Variants in ARID2 observed in about 807,000 individuals in gnomAD.
ARID2 encodes the protein AT-rich interaction domain 2, also known as AT-rich interactive domain-containing protein 2.
A neutral mutation model predicts 184.6 loss-of-function variants in ARID2; 32 were observed. That is an observed-to-expected ratio of 0.17 (90% confidence interval 0.13 to 0.23). The LOEUF (loss-of-function observed/expected upper bound fraction) is 0.23. ARID2 is among the 10% of genes least tolerant of loss of function. The probability of loss-of-function intolerance (pLI) is 1.00; values close to 1 mark genes in which losing one functional copy is unlikely to be tolerated. For missense variants in ARID2, 1,696 were observed against 2,197.6 expected (o/e 0.77, Z 4.56); for synonymous variants, 836 against 772.6 (o/e 1.08, Z -1.36).
chr12:45,764,433 A>C (rs1941734725), intron 3 of ARID2, among the ~76,000 whole-genome samples: 1 of 152,202 alleles, frequency 6.6e-6, no homozygotes, highest in South Asian at 2.1e-4. Flanking sequence ...GTTTTGACAC[A>C]TGCAAACAGT....
At chr12:45,771,842 A>G (rs1361416856) in intron 3 of ARID2, among the ~76,000 whole-genome samples, 1 of 152,098 alleles carries the variant, frequency 6.6e-6, no homozygotes, top group African/African-American at 2.4e-5. Context: ...AACAAGGAGA[A>G]CCAGAAACAG....
chr12:45,825,032 G>A (rs1942968457), intron 6 of ARID2, among the ~76,000 whole-genome samples: 1 of 151,928 alleles, frequency 6.6e-6, no homozygotes, highest in South Asian at 2.1e-4. Context: ...GTATGTGGGA[G>A]CCAAACTTGT....
At chr12:45,767,897 A>G (rs1179455909) in intron 3 of ARID2, among the ~76,000 whole-genome samples, 1 of 152,204 alleles carries the variant, frequency 6.6e-6, no homozygotes, top group Non-Finnish European at 1.5e-5. Flanking sequence ...GGGACAGTGC[A>G]CTTTCAACAG....
rs2138176882 is a variant in ARID2, at chr12:45,852,207, T to C, written c.4084T>C (p.Cys1362Arg). Reference protein sequence around the residue: ...DLRKPLVNGICDFDKGDGSHL... With the variant: ...DLRKPLVNGIRDFDKGDGSHL... ...GAGAAAACCGCTAGTTAATGGAATC[T>C]GTGATTTTGATAAAGGAGATGGTTC... The change falls in exon 15 of 21, where the codon TGT becomes CGT. Residue 1362 changes from cysteine (C) to arginine (R), a missense_variant. By Grantham distance (180) the Cys-to-Arg change is radical. Around this residue, in one of 11 missense-constraint regions of ARID2, gnomAD observed 428 missense variants for 409.1 expected, o/e 1.05. Coordinates refer to ENST00000334344, the MANE Select transcript of ARID2 (RefSeq NM_152641.4). The C allele has an allele frequency of 6.2e-7, 1 of 1,614,130 alleles. No individual in the cohort carries two copies. The highest frequency in any genetic ancestry group is 1.1e-5 in the South Asian group (1 of 91,088).
chr12:45,774,933 G>A lies in ARID2; in HGVS notation c.285-36485G>A, dbSNP rs1373119417. On this transcript the variant is annotated intron_variant, in intron 3 of 20. Coordinates refer to ENST00000334344, the MANE Select transcript of ARID2 (RefSeq NM_152641.4). ...GTAGTTTTGCTTCACAGAGAACATT[G>A]GGCAATGTCTGGAGATATTTTTGAT... 2.0e-5 allele frequency among the ~76,000 whole-genome samples: 3 copies of A among 152,224 alleles called. No homozygotes were observed. The East Asian group carries it at 5.8e-4, about 29-fold the overall frequency.
intron 16 of ARID2, chr12:45,880,986 G>C (rs1257119409): frequency 1.5e-5 from 3 of 197,962 alleles, no homozygotes; most frequent in Non-Finnish European, 3.2e-5. Context: ...AAAAGATTTT[G>C]TTTGAGGCAT....
intron 16 of ARID2, among the ~76,000 whole-genome samples, chr12:45,879,472 C>T (rs568129280): frequency 1.2e-3 from 182 of 152,292 alleles, no homozygotes; most frequent in African/African-American, 4.2e-3. Flanking sequence ...ACTGACCTCC[C>T]GCCCCAAGGG....
intron 16 of ARID2, among the ~76,000 whole-genome samples, chr12:45,869,711 C>T (rs571801392): frequency 2.0e-5 from 3 of 151,802 alleles, no homozygotes; most frequent in Admixed American, 2.0e-4. Flanking sequence ...GGTGAAACCC[C>T]GTCTCTACTA....
chr12:45,890,946 C>T (rs1160187985), intron 16 of ARID2, among the ~76,000 whole-genome samples: 3 of 152,054 alleles, frequency 2.0e-5, no homozygotes, highest in East Asian at 1.9e-4. Context: ...GCGGGCAGAT[C>T]ATGAGGTCAG....
chr12:45,904,316 C>G (rs1944493777), intron 20 of ARID2: 1 of 715,656 alleles, frequency 1.4e-6, no homozygotes, highest in Non-Finnish European at 2.6e-6. Context: ...CAGCTGTTTT[C>G]TGACACCATT....
At position 45,837,333 on chromosome 12, in the gene ARID2, C is replaced by A. The variant is rs1265430693; in HGVS notation, c.1036C>A (p.Pro346Thr). The A allele has an allele frequency of 6.2e-7, 1 of 1,608,260 alleles. No individual in the cohort carries two copies. Among genetic ancestry groups the A allele is most frequent in the South Asian group, 1.1e-5 (1 of 89,472 alleles). ...TTTCTTTTTCCAGCTTTTACTGGAC[C>A]CTGTTGATTTCAAAACTACTCATCT... The part of the protein sequence containing the change: ...GNIAAELLLD[P>T]VDFKTTHLMF... The change falls in exon 9 of 21, where the codon CCT (proline) becomes ACT (threonine). Residue 346 changes from proline to threonine, a missense_variant. Transcript: ENST00000334344.
chr12:45,863,659 C>T (rs1592129032), intron 16 of ARID2, among the ~76,000 whole-genome samples: 1 of 151,536 alleles, frequency 6.6e-6, no homozygotes, highest in Admixed American at 6.6e-5. Flanking sequence ...ATTTTCTTTA[C>T]CTATATATTA....
At position 45,852,573 on chromosome 12, in the gene ARID2, A is replaced by T. The variant is rs768616829; in HGVS notation, c.4450A>T (p.Ile1484Leu). 1.1e-5 allele frequency: 18 copies of T among 1,614,182 alleles called. No homozygotes were observed. The South Asian group carries it at 2.0e-4, about 18-fold the overall frequency. The change falls in exon 15 of 21, where the codon ATA becomes TTA. Residue 1484 changes from isoleucine to leucine, a missense_variant. By Grantham distance (5) the Ile-to-Leu change is conservative. Transcript: ENST00000334344. ...TTSVIQGHQIIAVPDSGSKVS... is the reference protein window; with the variant it reads ...TTSVIQGHQILAVPDSGSKVS... ...CTCTGTTATACAGGGACATCAAATC[A>T]TAGCAGTTCCCGACTCAGGATCAAA...
chr12:45,730,857 T>A (rs1401439299), intron 2 of ARID2, among the ~76,000 whole-genome samples: 1 of 125,918 alleles, frequency 7.9e-6, no homozygotes, highest in Non-Finnish European at 1.6e-5. Context: ...TCCGGAACTG[T>A]ATTGATCCTT....
intron 12 of ARID2, 93 bp downstream of exon 12, chr12:45,847,030 G>C: frequency 1.8e-6 from 2 of 1,139,958 alleles, no homozygotes; most frequent in Non-Finnish European, 2.6e-6. Context: ...AGAATGTTTT[G>C]TTCTGTATTC....
At position 45,851,884 on chromosome 12, in the gene ARID2, C is replaced by T. The variant is rs2138174363; in HGVS notation, c.3761C>T (p.Thr1254Ile). 1 of 1,614,180 alleles carries T rather than the reference C, an allele frequency of 6.2e-7. No individual in the cohort carries two copies. Among genetic ancestry groups the T allele is most frequent in the African/African-American group, 1.3e-5 (1 of 75,068 alleles). ...CQKEEEAKEA[T>I]GLHVHERKIE... Reference sequence around the variant, plus strand: ...AAGGAGGAGGAAGCAAAGGAAGCAACAGGTTTACATGTTCATGAACGTAAA... The same window carrying T: ...AAGGAGGAGGAAGCAAAGGAAGCAATAGGTTTACATGTTCATGAACGTAAA... Residue 1254 changes from threonine (T) to isoleucine (I), a missense_variant, in exon 15 of 21, where the codon ACA becomes ATA. Thr to Ile is a moderately conservative substitution (Grantham distance 89). Around this residue, in one of 11 missense-constraint regions of ARID2, gnomAD observed 428 missense variants for 409.1 expected, o/e 1.05. Transcript: ENST00000334344.
chr12:45,764,737 T>A (rs1405287605), intron 3 of ARID2, among the ~76,000 whole-genome samples: 1 of 152,266 alleles, frequency 6.6e-6, no homozygotes, highest in Non-Finnish European at 1.5e-5. Flanking sequence ...GTGGATATAC[T>A]GAAGATTCTT....
chr12:45,758,146 G>C (rs2138004842), intron 3 of ARID2, among the ~76,000 whole-genome samples: 1 of 152,134 alleles, frequency 6.6e-6, no homozygotes, highest in Non-Finnish European at 1.5e-5. Context: ...CTTTTTTCTT[G>C]AGAAAAATGT....
Position 45,906,029 on chromosome 12 carries a change from A to AT in ARID2, c.*957dup, listed in dbSNP as rs1944525915. 1 of 226,502 alleles carries AT rather than the reference A, an allele frequency of 4.4e-6. No homozygotes were observed. The highest frequency in any genetic ancestry group is 6.0e-5 in the Admixed American group (1 of 16,668). 14.0% of individuals were successfully genotyped at this position (226,502 alleles called of 1,614,324 possible). ...AGTATGGAATAATATATCTCATGTC[A>AT]TTTTTTAGAAGAAAAACTATTTGAA... On this transcript the variant is annotated 3_prime_UTR_variant, in exon 21 of 21. Transcript: ENST00000334344.
Sources: allele counts gnomAD v4.1 joint callset (sites outside exome capture counted in the v4.1 genomes callset), GRCh38; gene constraint gnomAD v4.1.1; regional missense constraint gnomAD v4.1.1; transcripts MANE v1.5; gene names NCBI Gene and HGNC (gene_info 2026-07-23, HGNC 2026-07-21).